FBXO33: variants seen among roughly 807,000 people sequenced by gnomAD.
The protein encoded by FBXO33 is F-box protein 33.
FBXO33 carries 22 observed loss-of-function variants against 46.3 expected under a neutral mutation model. That is an observed-to-expected ratio of 0.48 (90% confidence interval 0.34 to 0.68). The LOEUF (loss-of-function observed/expected upper bound fraction) is 0.68, where lower values mean the gene tolerates loss of function less well. FBXO33 is among the 30% of genes least tolerant of loss of function. The pLI is 0.01. For synonymous variants in FBXO33, 337 were observed against 291.3 expected (o/e 1.16, Z -1.60); for missense variants, 692 against 708.8 (o/e 0.98, Z 0.27).
intron 1 of FBXO33, among the ~76,000 whole-genome samples, chr14:39,427,796 A>G (rs578070166): frequency 1.4e-4 from 22 of 152,046 alleles, no homozygotes; most frequent in Non-Finnish European, 2.8e-4. Flanking sequence ...AAAAATATAT[A>G]TATCAGCCAG....
intron 1 of FBXO33, 48 bp from the exon 2 acceptor site, chr14:39,402,559 A>C (rs1383034336): frequency 2.2e-6 from 2 of 896,248 alleles, no homozygotes; most frequent in Middle Eastern, 6.8e-4. Flanking sequence ...TTTATACTTA[A>C]AAAATATAAA....
chr14:39,409,752 T>C (rs1320757354), intron 1 of FBXO33, among the ~76,000 whole-genome samples: 5 of 152,206 alleles, frequency 3.3e-5, no homozygotes, highest in Admixed American at 2.6e-4. Context: ...TAATTTCTTT[T>C]ATCAGTAAAA....
At chr14:39,413,200 C>T (rs2075431666) in intron 1 of FBXO33, among the ~76,000 whole-genome samples, 2 of 152,252 alleles carry the variant, frequency 1.3e-5, no homozygotes, top group Admixed American at 6.5e-5. Context: ...ATTCTAAAGT[C>T]TCTGTTGTTA....
intron 1 of FBXO33, among the ~76,000 whole-genome samples, chr14:39,421,939 T>A (rs766216306): frequency 6.6e-6 from 1 of 152,172 alleles, no homozygotes; most frequent in Non-Finnish European, 1.5e-5. Flanking sequence ...TGTACTTTAT[T>A]CCACTTCTAG....
At position 39,409,364 on chromosome 14, in the gene FBXO33, C is replaced by T. The variant is rs145908188; in HGVS notation, c.600-6853G>A. ...GACTATCCTTTCCCCATTTTATGTT[C>T]TTGGTACCAAAGATCAGTTAATCAT... On this transcript the variant is annotated intron_variant, in intron 1 of 3. Coordinates refer to ENST00000298097, the MANE Select transcript of FBXO33 (RefSeq NM_203301.4). Among the ~76,000 whole-genome samples, 18 of 152,174 alleles carry T rather than the reference C, an allele frequency of 1.2e-4. No individual in the cohort carries two copies. In the East Asian group the frequency reaches 2.9e-3, roughly 24 times the overall value.
chr14:39,401,425 C>G lies in FBXO33; in HGVS notation c.1147G>C (p.Asp383His), dbSNP rs2075367923. ...CTGGGTTTCAGAATCTTTAACATATCTTCACTCTTGATATCAAAAGCCATT... is the reference window on the plus strand; with the variant it reads ...CTGGGTTTCAGAATCTTTAACATATGTTCACTCTTGATATCAAAAGCCATT... ...YIMAFDIKSE[D>H]MLKILKPSIP... The change falls in exon 3 of 4, where the codon GAT becomes CAT. Residue 383 changes from aspartate (D) to histidine (H), a missense_variant. Transcript: ENST00000298097. 1 of 1,614,028 alleles carries G rather than the reference C, an allele frequency of 6.2e-7. No individual in the cohort carries two copies. The highest frequency in any genetic ancestry group is 8.5e-7 in the Non-Finnish European group (1 of 1,180,038).
At chr14:39,403,497 G>A (rs1002584294) in intron 1 of FBXO33, among the ~76,000 whole-genome samples, 1 of 152,146 alleles carries the variant, frequency 6.6e-6, no homozygotes, top group Non-Finnish European at 1.5e-5. Flanking sequence ...ACTGGGAGGC[G>A]GAGGTTGCAG....
intron 3 of FBXO33, among the ~76,000 whole-genome samples, chr14:39,400,963 AG>A (rs1285738640): frequency 6.6e-6 from 1 of 152,222 alleles, no homozygotes; most frequent in African/African-American, 2.4e-5. Context: ...TGGACAAAAA[AG>A]TAACAGGGAA....
At chr14:39,422,895 G>C (rs545263361) in intron 1 of FBXO33, among the ~76,000 whole-genome samples, 1 of 152,192 alleles carries the variant, frequency 6.6e-6, no homozygotes, top group Non-Finnish European at 1.5e-5. Flanking sequence ...AAGCCAAGGC[G>C]GGTGGACCAC....
chr14:39,432,427 A>G lies in FBXO33; in HGVS notation c.-265T>C, dbSNP rs889615126. 4.7e-6 allele frequency: 1 copy of G among 213,708 alleles called. No homozygotes were observed. Among genetic ancestry groups the G allele is most frequent in the African/African-American group, 2.3e-5 (1 of 43,298 alleles). 13.2% of individuals were successfully genotyped at this position (213,708 alleles called of 1,614,324 possible). A position where few individuals can be genotyped will look rare whatever the true frequency, so the allele number is the denominator to read the frequency against. On this transcript the variant is annotated 5_prime_UTR_variant, in exon 1 of 4. Coordinates refer to ENST00000298097, the MANE Select transcript of FBXO33 (RefSeq NM_203301.4). Reference sequence around the variant, plus strand: ...CCTGCGCCGGTCGGCAGAGACAGAGAAGTGGTAGGAGCTGAGTTTGACGTC... The same window carrying G: ...CCTGCGCCGGTCGGCAGAGACAGAGGAGTGGTAGGAGCTGAGTTTGACGTC...
At chr14:39,422,914 G>A (rs892502073) in intron 1 of FBXO33, among the ~76,000 whole-genome samples, 1 of 152,204 alleles carries the variant, frequency 6.6e-6, no homozygotes, top group Non-Finnish European at 1.5e-5. Context: ...ACAAGGTCAG[G>A]AGTTCGAGAC....
At chr14:39,424,050 G>A (rs1007658502) in intron 1 of FBXO33, among the ~76,000 whole-genome samples, 10 of 152,094 alleles carry the variant, frequency 6.6e-5, no homozygotes, top group Admixed American at 3.9e-4. Flanking sequence ...GAGAACATGC[G>A]GTATTTGGTT....
At position 39,431,564 on chromosome 14, in the gene FBXO33, C is replaced by G; in HGVS notation, c.599G>C (p.Arg200Thr). The G allele has an allele frequency of 6.2e-7, 1 of 1,611,806 alleles. No individual in the cohort carries two copies. Among genetic ancestry groups the G allele is most frequent in the East Asian group, 2.2e-5 (1 of 44,866 alleles). Residue 200 changes from arginine to threonine, a missense_variant and splice_region_variant, in exon 1 of 4, where the codon AGG becomes ACG. By Grantham distance (71) the Arg-to-Thr change is moderately conservative. Around this residue, in one of 3 missense-constraint regions of FBXO33, gnomAD observed 412 missense variants for 370.8 expected, o/e 1.11. Coordinates refer to ENST00000298097, the MANE Select transcript of FBXO33 (RefSeq NM_203301.4). ...GGGGCGGGGCTCAGGGCAAGCCTAC[C>G]TGTTGTTCCGGATGCTGACCAGCAC... ...LCVLVSIRNN[R>T]NLQKFSLFGD...
chr14:39,432,168 A>G lies in FBXO33; in HGVS notation c.-6T>C. The G allele has an allele frequency of 8.1e-7, 1 of 1,230,490 alleles. No individual in the cohort carries two copies. The highest frequency in any genetic ancestry group is 3.2e-5 in the East Asian group (1 of 31,276). The allele number at this position is 1,230,490 out of a possible 1,614,324, so 76.2% of individuals were successfully genotyped here. ...ACTGACAAGAACAACAACATCAATG[A>G]CTAGGAAGAAGGGGGCGGAACCGTC... On this transcript the variant is annotated 5_prime_UTR_variant, in exon 1 of 4. Transcript: ENST00000298097.
rs1454054064 is a variant in FBXO33, at chr14:39,399,580, C to T, written c.1604G>A (p.Ser535Asn). ...ATGACGATTTGGTTCAGTGAAGACA[C>T]TGAGTGATTCGATGTCCATGACTGC... ...WHAVMDIESLSVFTEPNRHFY... is the reference protein window; with the variant it reads ...WHAVMDIESLNVFTEPNRHFY... The change falls in exon 4 of 4, where the codon AGT becomes AAT. Residue 535 changes from serine (S) to asparagine (N), a missense_variant. This residue lies in a region of FBXO33 where 94 missense variants were observed against 91.9 expected (regional missense o/e 1.02). Transcript: ENST00000298097. The T allele has an allele frequency of 3.1e-6, 5 of 1,613,372 alleles. No individual in the cohort carries two copies. The highest frequency in any genetic ancestry group is 4.2e-6 in the Non-Finnish European group (5 of 1,179,744).
At chr14:39,400,734 C>G (rs1476748066) in intron 3 of FBXO33, among the ~76,000 whole-genome samples, 1 of 152,144 alleles carries the variant, frequency 6.6e-6, no homozygotes, top group Non-Finnish European at 1.5e-5. Context: ...AGAAGCATAT[C>G]AATGGAACCA....
rs1567072179 is a variant in FBXO33 at position 39,401,663 on chromosome 14, C to T, written c.909G>A (p.Glu303=). 3.1e-6 allele frequency: 5 copies of T among 1,614,186 alleles called. No individual in the cohort carries two copies. In the Admixed American group the frequency reaches 8.3e-5, roughly 27 times the overall value. The part of the protein sequence containing the change: ...NSTLITAVEL[E]RFVNLHSLAL... ...CAAGTGAGTGCAGATTCACAAATCGCTCCAGTTCAACTGCAGTAATAAGAG... is the reference window on the plus strand; with the variant it reads ...CAAGTGAGTGCAGATTCACAAATCGTTCCAGTTCAACTGCAGTAATAAGAG... Residue 303 remains glutamate, a synonymous_variant, in exon 3 of 4, where the codon GAG becomes GAA. Transcript: ENST00000298097.
At chr14:39,423,842 TG>T (rs2075497510) in intron 1 of FBXO33, among the ~76,000 whole-genome samples, 4 of 152,184 alleles carry the variant, frequency 2.6e-5, no homozygotes, top group African/African-American at 9.7e-5. Flanking sequence ...TTTTAGAATC[TG>T]GGGGCACATG....
rs1235107344 is a variant in FBXO33 at position 39,431,819 on chromosome 14, A to G, written c.344T>C (p.Leu115Pro). The change falls in exon 1 of 4, where the codon CTC becomes CCC. Residue 115 changes from leucine (L) to proline (P), a missense_variant. By Grantham distance (98) the Leu-to-Pro change is moderately conservative. This residue lies in a region of FBXO33 where 412 missense variants were observed against 370.8 expected (regional missense o/e 1.11). Transcript: ENST00000298097. ...AGGCTGCTCCGCGGGCGAGACGCGG[A>G]GGCAGATGCGGAGCTGGGGCCACAG... ...PALWPQLRICLRVSPAEQPRL... is the reference protein window; with the variant it reads ...PALWPQLRICPRVSPAEQPRL... 6.2e-7 allele frequency: 1 copy of G among 1,610,220 alleles called. No homozygotes were observed. The highest frequency in any genetic ancestry group is 1.1e-5 in the South Asian group (1 of 90,948).
Sources: allele counts gnomAD v4.1 joint callset (sites outside exome capture counted in the v4.1 genomes callset), GRCh38; gene constraint gnomAD v4.1.1; regional missense constraint gnomAD v4.1.1; transcripts MANE v1.5; gene names NCBI Gene and HGNC (gene_info 2026-07-23, HGNC 2026-07-21).